The following TRIM14 variants were observed in gnomAD, a reference collection of about 807,000 sequenced individuals.
The protein encoded by TRIM14 is tripartite motif containing 14, also known as tripartite motif-containing protein 14.
Under a neutral mutation model 44.5 loss-of-function variants are expected in TRIM14, and 28 were observed. The ratio of observed to expected loss-of-function variants is 0.63; its 90% CI spans 0.47 to 0.86. The LOEUF is 0.86. Ranked by LOEUF, TRIM14 falls within the 40% of genes least tolerant of loss-of-function variation. The pLI, the probability that TRIM14 is intolerant of heterozygous loss-of-function variation, is 0.00. For missense variants in TRIM14, 607 were observed against 611.1 expected, an observed-to-expected ratio of 0.99 and a Z score of 0.07; for synonymous variants, 299 against 269.2, an observed-to-expected ratio of 1.11 and a Z score of -1.08.
the TRIM14 span, among the ~76,000 whole-genome samples, chr9:98,041,437 G>A: frequency 4.6e-5 from 7 of 151,822 alleles, no homozygotes; most frequent in Non-Finnish European, 8.8e-5. Context: ...CACCCGCCTC[G>A]GCCTCCCAAA....
At chr9:98,088,925 G>A (rs1360419331) in intron 5 of TRIM14, among the ~76,000 whole-genome samples, 4 of 150,456 alleles carry the variant, frequency 2.7e-5, no homozygotes, top group Non-Finnish European at 5.9e-5. Context: ...TTTTGTTGTT[G>A]TTGTTGTTGT....
intron 2 of TRIM14, among the ~76,000 whole-genome samples, chr9:98,100,869 G>A (rs922937386): frequency 6.6e-6 from 1 of 151,934 alleles, no homozygotes; most frequent in Non-Finnish European, 1.5e-5. Flanking sequence ...ACAATGAAAG[G>A]TTAAGGAAAA....
the TRIM14 span, among the ~76,000 whole-genome samples, chr9:98,061,955 C>T: frequency 6.6e-6 from 1 of 151,924 alleles, no homozygotes; most frequent in African/African-American, 2.4e-5. Context: ...GGTGTGGTGG[C>T]TCACACCTGT....
chr9:98,053,802 A>AAATAAAT, the TRIM14 span, among the ~76,000 whole-genome samples: 7 of 146,356 alleles, frequency 4.8e-5, no homozygotes, highest in African/African-American at 1.8e-4. Context: ...AGCCCACTAC[A>AAATAAAT]AAATAAATAA....
chr9:98,105,009 A>AGGAAGAGGC (rs757496972), intron 2 of TRIM14, among the ~76,000 whole-genome samples: 5 of 71,864 alleles, frequency 7.0e-5, no homozygotes, highest in African/African-American at 5.8e-4. Flanking sequence ...TGGCAATGGC[A>AGGAAGAGGC]GGCAGGAAGA....
At chr9:98,074,376 G>A (rs925805340) in intron 6 of TRIM14, among the ~76,000 whole-genome samples, 2 of 152,132 alleles carry the variant, frequency 1.3e-5, no homozygotes, top group Non-Finnish European at 2.9e-5. Flanking sequence ...GAGGGAACCC[G>A]ATAGCACGGT....
At chr9:98,055,509 T>C in the TRIM14 span, among the ~76,000 whole-genome samples, 1 of 152,244 alleles carries the variant, frequency 6.6e-6, no homozygotes, top group Admixed American at 6.5e-5. Flanking sequence ...AGCTGATCCA[T>C]CAAGTGCAGG....
chr9:98,100,964 TTTTA>T (rs549205998), intron 2 of TRIM14, among the ~76,000 whole-genome samples: 32 of 151,828 alleles, frequency 2.1e-4, no homozygotes, highest in African/African-American at 6.5e-4. Context: ...ACAAAACAAT[TTTTA>T]TTTATTTATT....
At position 98,075,613 on chromosome 9, in the gene TRIM14, G is replaced by A. The variant is rs2117920882; in HGVS notation, c.*29-5926C>T. The stretch of plus-strand genomic sequence containing the variant: ...GAAAGATTTGTGCCCATGTGATCAA[G>A]TGTGAGCAACTCACTAAGCCCTAAC... On this transcript the variant is annotated intron_variant, in intron 6 of 6. Coordinates refer to the TRIM14 transcript ENST00000375098. 1.3e-5 allele frequency: 2 copies of A among 152,294 alleles called. 1 individual carries two copies. The highest frequency in any genetic ancestry group is 6.8e-3 in the Middle Eastern group (2 of 294). 9.4% of individuals were successfully genotyped at this position (152,294 alleles called of 1,614,324 possible). A position where few individuals can be genotyped will look rare whatever the true frequency, so the allele number is the denominator to read the frequency against.
the TRIM14 span, among the ~76,000 whole-genome samples, chr9:98,053,363 T>TA: frequency 4.6e-5 from 7 of 152,276 alleles, no homozygotes; most frequent in Admixed American, 3.9e-4. Flanking sequence ...TTCAAGGACA[T>TA]AAAACAACAT....
intron 1 of TRIM14, among the ~76,000 whole-genome samples, chr9:98,116,835 C>G (rs545167339): frequency 7.1e-6 from 1 of 141,626 alleles, no homozygotes; most frequent in East Asian, 2.1e-4. Context: ...CAGAGTGAGA[C>G]CCTGTGTCTC....
the TRIM14 span, among the ~76,000 whole-genome samples, chr9:98,059,482 A>G: frequency 6.6e-6 from 1 of 152,104 alleles, no homozygotes; most frequent in East Asian, 1.9e-4. Context: ...TGGCACCATC[A>G]TAGCTCATTG....
At chr9:98,094,099 G>A (rs966758687) in intron 4 of TRIM14, among the ~76,000 whole-genome samples, 3 of 152,114 alleles carry the variant, frequency 2.0e-5, no homozygotes, top group Admixed American at 6.5e-5. Flanking sequence ...GTTTGTGTAC[G>A]GTCTGTCTTC....
chr9:98,057,241 T>C, the TRIM14 span, among the ~76,000 whole-genome samples: 1 of 152,244 alleles, frequency 6.6e-6, no homozygotes, highest in Non-Finnish European at 1.5e-5. Context: ...TGGCACCTTC[T>C]GTGGCTCCCT....
At chr9:98,056,979 G>A in the TRIM14 span, 9 of 1,531,200 alleles carry the variant, frequency 5.9e-6, no homozygotes, top group Non-Finnish European at 7.9e-6. Context: ...TTCGGGCGCC[G>A]GGAGGGGCGG....
the TRIM14 span, among the ~76,000 whole-genome samples, chr9:98,036,082 G>A: frequency 2.0e-5 from 3 of 151,784 alleles, no homozygotes; most frequent in Non-Finnish European, 2.9e-5. Flanking sequence ...GGTGGCATGT[G>A]CCTGTAATCC....
chr9:98,100,420 C>T (rs1017506551), intron 2 of TRIM14, among the ~76,000 whole-genome samples: 2 of 152,062 alleles, frequency 1.3e-5, no homozygotes, highest in African/African-American at 4.8e-5. Context: ...TAATACAAAA[C>T]CATATTCGTG....
At chr9:98,064,802 C>T (rs549644497), downstream of TRIM14, among the ~76,000 whole-genome samples, 4 of 152,300 alleles carry the variant, frequency 2.6e-5, no homozygotes, top group African/African-American at 7.2e-5. Flanking sequence ...CTTCCCAGAG[C>T]GTAGACTCCC....
the TRIM14 span, among the ~76,000 whole-genome samples, chr9:98,038,333 T>C: frequency 1.3e-5 from 2 of 152,278 alleles, no homozygotes; most frequent in East Asian, 3.9e-4. Flanking sequence ...ACTACAGGCA[T>C]GAGCTACCAA....
Sources: allele counts gnomAD v4.1 joint callset (sites outside exome capture counted in the v4.1 genomes callset), GRCh38; gene constraint gnomAD v4.1.1; transcripts MANE v1.5; gene names NCBI Gene and HGNC (gene_info 2026-07-23, HGNC 2026-07-21).